The following TRAPPC9 variants were observed in gnomAD, a reference collection of about 807,000 sequenced individuals.
TRAPPC9 encodes the protein IKK2 binding protein.
Under a neutral mutation model 124.0 loss-of-function variants are expected in TRAPPC9, and 83 were observed. That is an observed-to-expected ratio of 0.67 (90% CI 0.56 to 0.80). The LOEUF (loss-of-function observed/expected upper bound fraction) is 0.80, where lower values mean the gene tolerates loss of function less well. Ranked by LOEUF, TRAPPC9 falls within the 30% of genes least tolerant of loss-of-function variation. The pLI, the probability that TRAPPC9 is intolerant of heterozygous loss-of-function variation, is 0.00. For missense variants in TRAPPC9, 1,302 were observed against 1,508.3 expected (o/e 0.86, Z 2.27); for synonymous variants, 638 against 617.5 (o/e 1.03, Z -0.49).
At chr8:140,275,588 A>T (rs1286813770) in intron 15 of TRAPPC9, 70 bp downstream of exon 15, 1 of 1,528,572 alleles carries the variant, frequency 6.5e-7, no homozygotes. Flanking sequence ...AAAACTGAGA[A>T]TTTAAAGTAT....
intron 21 of TRAPPC9, among the ~76,000 whole-genome samples, chr8:139,766,858 C>T (rs1247256984): frequency 1.3e-5 from 2 of 152,260 alleles, no homozygotes; most frequent in African/African-American, 4.8e-5. Context: ...TGGGAATCAT[C>T]CCTGTTCTCC....
chr8:140,448,506 G>A (rs1233445398), intron 2 of TRAPPC9, among the ~76,000 whole-genome samples: 1 of 152,254 alleles, frequency 6.6e-6, no homozygotes, highest in Non-Finnish European at 1.5e-5. Flanking sequence ...AGGTGGATCT[G>A]CAACCTCACA....
chr8:139,927,918 G>A (rs916105866), intron 19 of TRAPPC9, among the ~76,000 whole-genome samples: 1 of 152,182 alleles, frequency 6.6e-6, no homozygotes, highest in Non-Finnish European at 1.5e-5. Context: ...CTAATCCACG[G>A]CAGAAGCACG....
At position 139,907,023 on chromosome 8, in the gene TRAPPC9, G is replaced by C. The variant is rs566639406; in HGVS notation, c.2964+3124C>G. Among the ~76,000 whole-genome samples the C allele has an allele frequency of 6.6e-6, 1 of 152,318 alleles. No homozygotes were observed. Among genetic ancestry groups the C allele is most frequent in the East Asian group, 1.9e-4 (1 of 5,178 alleles). On this transcript the variant is annotated intron_variant, in intron 20 of 22. Transcript: ENST00000438773. This position sits in a 1 kb window ranked among gnomAD's most constrained non-coding sequence, Gnocchi z 4.7. ...CCTACTCCTGCCAGGCGTGACCTGA[G>C]GGAAGCTCCCATCAGCCCCACAACG...
intron 21 of TRAPPC9, among the ~76,000 whole-genome samples, chr8:139,851,210 G>A (rs1586985372): frequency 1.3e-5 from 2 of 152,194 alleles, no homozygotes; most frequent in East Asian, 1.9e-4. Context: ...CGTACAATGG[G>A]AGCCGAGGAG....
intron 19 of TRAPPC9, among the ~76,000 whole-genome samples, chr8:139,912,274 T>C (rs552151475): frequency 1.3e-5 from 2 of 152,324 alleles, no homozygotes; most frequent in East Asian, 3.9e-4. Context: ...CCCACATACA[T>C]AGTTTGAAGT....
chr8:140,307,396 G>C (rs2066166524), intron 10 of TRAPPC9, among the ~76,000 whole-genome samples: 1 of 152,152 alleles, frequency 6.6e-6, no homozygotes, highest in Non-Finnish European at 1.5e-5. Context: ...GCCTAAGTTA[G>C]CCTGGTTTCT....
intron 1 of TRAPPC9, among the ~76,000 whole-genome samples, chr8:140,453,160 C>T (rs1050519697): frequency 5.3e-5 from 8 of 152,070 alleles, no homozygotes; most frequent in Non-Finnish European, 1.0e-4. Context: ...AAAGATGCCT[C>T]GATACACACC....
At chr8:140,291,196 G>C (rs142865027) in intron 11 of TRAPPC9, 118 bp from the exon 12 acceptor site, 2 of 917,094 alleles carry the variant, frequency 2.2e-6, no homozygotes, top group Non-Finnish European at 3.6e-6. Context: ...CAGGCTCTAT[G>C]ATCTTCTTGA....
intron 17 of TRAPPC9, among the ~76,000 whole-genome samples, chr8:140,152,581 G>A (rs1393668548): frequency 1.3e-5 from 2 of 151,534 alleles, no homozygotes; most frequent in Non-Finnish European, 2.9e-5. Flanking sequence ...TGTTAGCCAG[G>A]ATGGTCTCGA....
At chr8:139,857,923 C>A (rs1439269288) in intron 21 of TRAPPC9, among the ~76,000 whole-genome samples, 1 of 152,222 alleles carries the variant, frequency 6.6e-6, no homozygotes, top group Non-Finnish European at 1.5e-5. Context: ...TCCCAACCAT[C>A]GAGCCATCAG....
intron 17 of TRAPPC9, among the ~76,000 whole-genome samples, chr8:140,178,219 A>T: frequency 6.6e-6 from 1 of 152,146 alleles, no homozygotes; most frequent in East Asian, 1.9e-4. Context: ...TTAGGAGGAA[A>T]GCATTCACCA....
chr8:140,232,024 T>C (rs2063610451), intron 16 of TRAPPC9, among the ~76,000 whole-genome samples: 1 of 152,030 alleles, frequency 6.6e-6, no homozygotes, highest in African/African-American at 2.4e-5. Context: ...TCCACCTGTC[T>C]TGGCCTCCTA....
chr8:139,972,006 G>A (rs1310785330), intron 19 of TRAPPC9, among the ~76,000 whole-genome samples: 2 of 151,764 alleles, frequency 1.3e-5, no homozygotes, highest in Non-Finnish European at 2.9e-5. Flanking sequence ...TGTATTCTTA[G>A]TAGAGATGGG....
chr8:140,079,162 A>G (rs1436098296), intron 17 of TRAPPC9, among the ~76,000 whole-genome samples: 1 of 152,146 alleles, frequency 6.6e-6, no homozygotes, highest in East Asian at 1.9e-4. Flanking sequence ...TTTGTTCCTC[A>G]TTCACCTTCT....
chr8:140,313,960 C>T (rs1428323153), intron 9 of TRAPPC9, among the ~76,000 whole-genome samples: 1 of 152,120 alleles, frequency 6.6e-6, no homozygotes, highest in Non-Finnish European at 1.5e-5. Context: ...AGTGCAAAGG[C>T]CCCATCCACC....
chr8:140,265,756 G>T (rs1018437207), intron 15 of TRAPPC9, among the ~76,000 whole-genome samples: 1 of 152,076 alleles, frequency 6.6e-6, no homozygotes, highest in Non-Finnish European at 1.5e-5. Context: ...GTTACTTTAC[G>T]TTGATAATAA....
intron 17 of TRAPPC9, among the ~76,000 whole-genome samples, chr8:140,026,145 C>T (rs1188180001): frequency 6.6e-6 from 1 of 152,166 alleles, no homozygotes; most frequent in Non-Finnish European, 1.5e-5. Flanking sequence ...GCATCATGTC[C>T]TCGAGAATCA....
At chr8:140,321,477 A>T (rs148624506) in intron 9 of TRAPPC9, among the ~76,000 whole-genome samples, 2,247 of 152,316 alleles carry the variant, frequency 0.015, 63 homozygotes, top group African/African-American at 0.052. Context: ...CATAAGCTGT[A>T]AAAGGGGCTT....
Sources: gnomAD v4.1 joint callset for allele counts (sites outside exome capture counted in the v4.1 genomes callset) on GRCh38, gnomAD v4.1.1 for gene constraint, Gnocchi (gnomAD v3.1) non-coding constraint, MANE v1.5 for transcripts, NCBI Gene and HGNC (gene_info 2026-07-23, HGNC 2026-07-21) for gene names.